Variants in CNBD1 observed in about 807,000 individuals in gnomAD.
CNBD1 encodes cyclic nucleotide binding domain containing 1.
In CNBD1, 71 loss-of-function variants were observed where a neutral mutation model predicts 54.4. The observed-to-expected ratio is 1.30, with a 90% confidence interval of 1.08 to 1.59. The LOEUF (loss-of-function observed/expected upper bound fraction) is 1.59, where lower values mean the gene tolerates loss of function less well. Among genes scored for constraint, CNBD1 ranks in the 40% most tolerant of loss-of-function variants. CNBD1 has a pLI of 0.00. For synonymous variants in CNBD1, 182 were observed against 170.7 expected (o/e 1.07, Z -0.51); for missense variants, 659 against 518.0 (o/e 1.27, Z -2.64).
At chr8:86,963,847 G>A (rs1808002186) in intron 4 of CNBD1, among the ~76,000 whole-genome samples, 1 of 152,134 alleles carries the variant, frequency 6.6e-6, no homozygotes, top group Non-Finnish European at 1.5e-5. Context: ...AGGAACCCTG[G>A]GACCAGTCAG....
At chr8:87,030,542 CTT>C (rs1468957171) in intron 4 of CNBD1, among the ~76,000 whole-genome samples, 1 of 152,054 alleles carries the variant, frequency 6.6e-6, no homozygotes, top group African/African-American at 2.4e-5. Context: ...TCCTTTTGCT[CTT>C]TTTTTAATCT....
intron 5 of CNBD1, among the ~76,000 whole-genome samples, chr8:87,222,492 G>C (rs1370107978): frequency 6.6e-6 from 1 of 152,058 alleles, no homozygotes; most frequent in Non-Finnish European, 1.5e-5. Flanking sequence ...GGTTGGATGG[G>C]GGCAGGGCTG....
chr8:87,087,292 TTTTTTATTGCCCA>T (rs1563463417), intron 4 of CNBD1, among the ~76,000 whole-genome samples: 1 of 146,758 alleles, frequency 6.8e-6, no homozygotes, highest in South Asian at 2.1e-4. Flanking sequence ...TATATATATA[TTTTTTATTGCCCA>T]ATACATATAA....
chr8:87,419,371 G>A (rs1199805968), intron 2 of CNBD1, among the ~76,000 whole-genome samples: 1 of 151,818 alleles, frequency 6.6e-6, no homozygotes, highest in Admixed American at 6.6e-5. Context: ...TCTGGAATTA[G>A]ATATGGTTCC....
chr8:87,259,616 T>C (rs897128334), intron 6 of CNBD1, among the ~76,000 whole-genome samples: 1 of 152,308 alleles, frequency 6.6e-6, no homozygotes, highest in African/African-American at 2.4e-5. Flanking sequence ...AAACATTACA[T>C]ACACAACACA....
intron 5 of CNBD1, among the ~76,000 whole-genome samples, chr8:87,231,437 C>G (rs1814688195): frequency 6.6e-6 from 1 of 152,156 alleles, no homozygotes; most frequent in African/African-American, 2.4e-5. Flanking sequence ...AATACTGGCT[C>G]TACCACTACT....
At chr8:87,218,351 T>C (rs1044670142) in intron 5 of CNBD1, among the ~76,000 whole-genome samples, 9 of 152,124 alleles carry the variant, frequency 5.9e-5, no homozygotes, top group Middle Eastern at 3.2e-3. Context: ...TATTTATTGC[T>C]AGATGATAAT....
At chr8:87,256,016 T>TATATATATATATATA (rs1491444638) in intron 6 of CNBD1, among the ~76,000 whole-genome samples, 10 of 12,138 alleles carry the variant, frequency 8.2e-4, no homozygotes, top group Admixed American at 1.6e-3. Context: ...TATATATATA[T>TATATATATATATATA]TTTTTTTTTT....
intron 2 of CNBD1, among the ~76,000 whole-genome samples, chr8:87,415,979 T>G (rs749820078): frequency 1.3e-5 from 2 of 151,482 alleles, no homozygotes; most frequent in Non-Finnish European, 3.0e-5. Context: ...ATATGGACAT[T>G]AACAAAAAAA....
chr8:86,917,148 G>GA (rs1030454286), intron 3 of CNBD1, among the ~76,000 whole-genome samples: 37 of 117,268 alleles, frequency 3.2e-4, no homozygotes, highest in Non-Finnish European at 3.7e-4. Flanking sequence ...TCTCAAAAAA[G>GA]AAAAAAAAAG....
At chr8:87,351,614 G>A in intron 8 of CNBD1, 71 bp from the exon 9 acceptor site, 3 of 1,334,802 alleles carry the variant, frequency 2.2e-6, no homozygotes, top group South Asian at 1.6e-5. Flanking sequence ...ATTAACTTTT[G>A]TTGCTAAAAT....
intron 4 of CNBD1, among the ~76,000 whole-genome samples, chr8:87,004,460 T>C (rs1233858543): frequency 6.6e-6 from 1 of 151,464 alleles, no homozygotes; most frequent in Non-Finnish European, 1.5e-5. Context: ...TGTGTAAATA[T>C]AAACATTTTA....
chr8:87,413,620 C>T (rs1004681334), intron 2 of CNBD1, among the ~76,000 whole-genome samples: 4 of 152,094 alleles, frequency 2.6e-5, no homozygotes, highest in Admixed American at 6.6e-5. Flanking sequence ...AGAACCTACT[C>T]ATCTGACAAA....
intron 4 of CNBD1, among the ~76,000 whole-genome samples, chr8:87,070,345 C>T (rs1044124515): frequency 6.6e-6 from 1 of 151,932 alleles, no homozygotes; most frequent in Non-Finnish European, 1.5e-5. Context: ...GAGGAGAAAC[C>T]ACCTTTGGAA....
chr8:86,922,265 A>G (rs887773963), intron 3 of CNBD1, among the ~76,000 whole-genome samples: 8 of 152,038 alleles, frequency 5.3e-5, no homozygotes, highest in Non-Finnish European at 8.8e-5. Flanking sequence ...GATCTCCCCC[A>G]TGGGTGTCAA....
intron 8 of CNBD1, among the ~76,000 whole-genome samples, chr8:87,289,395 A>G (rs1173303716): frequency 1.3e-5 from 2 of 152,120 alleles, no homozygotes; most frequent in East Asian, 1.9e-4. Flanking sequence ...TTTATATCAC[A>G]TCGGCTAAAG....
In CNBD1 at chr8:87,082,367, C is replaced by T. The variant is rs150940458; in HGVS notation, c.432-123626C>T. 7.2e-3 allele frequency among the ~76,000 whole-genome samples: 1,091 copies of T among 152,298 alleles called. 16 individuals carry two copies. Among genetic ancestry groups the T allele is most frequent in the African/African-American group, 0.025 (1,023 of 41,570 alleles). ...TGACTATTTTTTTGGACTCAGCCCA[C>T]TTGCACCCAAGTGAAATAAACAGCC... On this transcript the variant is annotated intron_variant, in intron 4 of 10. Transcript: ENST00000518476.
intron 4 of CNBD1, among the ~76,000 whole-genome samples, chr8:87,003,641 G>A (rs867264269): frequency 4.6e-5 from 7 of 152,096 alleles, no homozygotes; most frequent in African/African-American, 7.2e-5. Context: ...TAAAGAGGGC[G>A]TTTAACCTAG....
chr8:87,412,416 C>T (rs1807761569), intron 2 of CNBD1, among the ~76,000 whole-genome samples: 1 of 152,012 alleles, frequency 6.6e-6, no homozygotes, highest in Non-Finnish European at 1.5e-5. Flanking sequence ...TCTCAAATGT[C>T]AGAATAAAAG....
Sources: gnomAD v4.1 joint callset for allele counts (sites outside exome capture counted in the v4.1 genomes callset) on GRCh38, gnomAD v4.1.1 for gene constraint, MANE v1.5 for transcripts, NCBI Gene and HGNC (gene_info 2026-07-23, HGNC 2026-07-21) for gene names.